The following DAPK2 variants were observed in gnomAD, a reference collection of about 807,000 sequenced individuals.
DAPK2 encodes death associated protein kinase 2, also known as death-associated protein kinase 2.
DAPK2 carries 35 observed loss-of-function variants against 44.1 expected under a neutral mutation model. That is an observed-to-expected ratio of 0.79 (90% confidence interval 0.61 to 1.05). The LOEUF is 1.05. Ranked by LOEUF, DAPK2 falls within the 50% of genes least tolerant of loss-of-function variation. The pLI is 0.00. For synonymous variants in DAPK2, 174 were observed against 182.6 expected, an observed-to-expected ratio of 0.95 and a Z score of 0.38; for missense variants, 453 against 483.2, an observed-to-expected ratio of 0.94 and a Z score of 0.59.
intron 1 of DAPK2, among the ~76,000 whole-genome samples, chr15:63,985,240 ACT>A (rs1471073724): frequency 2.6e-5 from 4 of 152,102 alleles, no homozygotes; most frequent in African/African-American, 9.7e-5. Context: ...TCGTCCACTG[ACT>A]CTAAATTTTT....
chr15:63,995,233 A>G (rs549781234), intron 1 of DAPK2, among the ~76,000 whole-genome samples: 4 of 152,014 alleles, frequency 2.6e-5, no homozygotes, highest in Non-Finnish European at 5.9e-5. Flanking sequence ...CCAGGCTGGA[A>G]TACAGTGGCA....
At chr15:63,913,604 G>C (rs2078852176) in intron 8 of DAPK2, among the ~76,000 whole-genome samples, 1 of 152,136 alleles carries the variant, frequency 6.6e-6, no homozygotes, top group Non-Finnish European at 1.5e-5. Context: ...CGTGGGTCTT[G>C]TCTCCTAACC....
At chr15:64,019,604 C>T (rs2079627452) in intron 1 of DAPK2, among the ~76,000 whole-genome samples, 1 of 152,200 alleles carries the variant, frequency 6.6e-6, no homozygotes, top group Non-Finnish European at 1.5e-5. Flanking sequence ...TATGAAAGTA[C>T]AAATCTGTGG....
chr15:63,934,973 A>G (rs1443751518), intron 4 of DAPK2, among the ~76,000 whole-genome samples: 1 of 151,890 alleles, frequency 6.6e-6, no homozygotes, highest in East Asian at 1.9e-4. Context: ...TCTTTAATTC[A>G]GAAGTACATC....
At chr15:64,028,797 C>T (rs372844038) in intron 1 of DAPK2, among the ~76,000 whole-genome samples, 4 of 150,186 alleles carry the variant, frequency 2.7e-5, no homozygotes, top group Non-Finnish European at 4.4e-5. Flanking sequence ...AACCCACAGA[C>T]GGAAAGAAGG....
At position 64,018,439 on chromosome 15, in the gene DAPK2, G is replaced by A. The variant is rs1477725937; in HGVS notation, c.92+21731C>T. ...TTAATCAACCAGGTACGAAGAAGGT[G>A]AGAGACCAACTCCTCTTCACCCACA... On this transcript the variant is annotated intron_variant, in intron 1 of 10. Coordinates refer to ENST00000261891, the Ensembl canonical transcript of DAPK2. Among the ~76,000 whole-genome samples the A allele has an allele frequency of 5.3e-5, 8 of 152,298 alleles. No individual in the cohort carries two copies. The South Asian group carries it at 1.5e-3, about 28-fold the overall frequency.
intron 10 of DAPK2, chr15:63,909,372 A>ATTTC (rs2078726087): frequency 6.6e-6 from 1 of 151,044 alleles, no homozygotes; most frequent in Non-Finnish European, 1.5e-5. Context: ...CTTTGGGAAA[A>ATTTC]CTGCATAACA....
intron 1 of DAPK2, among the ~76,000 whole-genome samples, chr15:64,024,358 T>G (rs1029788019): frequency 1.3e-5 from 2 of 152,168 alleles, no homozygotes; most frequent in Non-Finnish European, 2.9e-5. Flanking sequence ...GATGTGAGCA[T>G]GCCCTGGGGA....
At chr15:64,032,974 T>C (rs2080059297) in intron 1 of DAPK2, among the ~76,000 whole-genome samples, 1 of 151,898 alleles carries the variant, frequency 6.6e-6, no homozygotes, top group Non-Finnish European at 1.5e-5. Flanking sequence ...TAATCCCAGC[T>C]ACTTGGGAGG....
intron 2 of DAPK2, 46 bp downstream of exon 3, chr15:63,983,487 G>A: frequency 1.3e-6 from 2 of 1,574,020 alleles, no homozygotes; most frequent in Non-Finnish European, 1.7e-6. Flanking sequence ...TGCTCTGCCT[G>A]CCCCTGCTGC....
chr15:64,005,169 C>T lies in DAPK2; in HGVS notation c.93-21415G>A, dbSNP rs186066490. On this transcript the variant is annotated intron_variant, in intron 1 of 10. Coordinates refer to ENST00000261891, the Ensembl canonical transcript of DAPK2. ...ACAAAGACATGTCTTCTGAGTGAAC[C>T]CAATACCCATCCTTGAGTGGTGCTC... 6.6e-5 allele frequency among the ~76,000 whole-genome samples: 10 copies of T among 152,124 alleles called. No homozygotes were observed. In the East Asian group the frequency reaches 1.9e-3, roughly 29 times the overall value.
chr15:63,980,473 G>C lies in DAPK2; in HGVS notation c.314+3060C>G, dbSNP rs549719645. Among the ~76,000 whole-genome samples, 9 of 152,316 alleles carry C rather than the reference G, an allele frequency of 5.9e-5. No homozygotes were observed. In the South Asian group the frequency reaches 1.9e-3, roughly 32 times the overall value. Reference sequence around the variant, plus strand: ...TGCAGGCACACAGCAACACTCCTACGTTGTGGTAGTAATGGTTAACCAGCA... The same window carrying C: ...TGCAGGCACACAGCAACACTCCTACCTTGTGGTAGTAATGGTTAACCAGCA... On this transcript the variant is annotated intron_variant, in intron 2 of 10. Transcript: ENST00000261891. The surrounding 1 kb of genome is among the most constrained non-coding windows in gnomAD (Gnocchi z 4.3).
In DAPK2 at chr15:63,923,307, T is replaced by C; in HGVS notation, c.858+1509A>G. On this transcript the variant is annotated intron_variant, in intron 8 of 10. Transcript: ENST00000261891. This position sits in a 1 kb window ranked among gnomAD's most constrained non-coding sequence, Gnocchi z 4.2. ...TTGGTCTTCAGCTGGGTGGGCTCTGTCTTCCGCTGTTCAGGGGCTCTGCCT... is the reference window on the plus strand; with the variant it reads ...TTGGTCTTCAGCTGGGTGGGCTCTGCCTTCCGCTGTTCAGGGGCTCTGCCT... 6.5e-7 allele frequency: 1 copy of C among 1,535,842 alleles called. No homozygotes were observed. The highest frequency in any genetic ancestry group is 1.2e-5 in the South Asian group (1 of 84,056).
intron 3 of DAPK2, among the ~76,000 whole-genome samples, chr15:63,940,798 A>G (rs2077286295): frequency 1.3e-5 from 2 of 152,234 alleles, no homozygotes. Context: ...AGGAACCTTG[A>G]AAACATTTAT....
chr15:63,974,369 T>C (rs938647371), intron 2 of DAPK2, among the ~76,000 whole-genome samples: 1 of 152,132 alleles, frequency 6.6e-6, no homozygotes, highest in Non-Finnish European at 1.5e-5. Flanking sequence ...TTTATACATT[T>C]TAGGGGGACA....
chr15:64,040,958 C>G (rs2080340428), upstream of DAPK2, among the ~76,000 whole-genome samples: 1 of 151,444 alleles, frequency 6.6e-6, no homozygotes, highest in South Asian at 2.1e-4. Flanking sequence ...GGTACAAGCC[C>G]CAGTCTTGCT....
intron 6 of DAPK2, among the ~76,000 whole-genome samples, chr15:63,929,140 A>G (rs1451690097): frequency 1.3e-5 from 2 of 151,790 alleles, no homozygotes; most frequent in African/African-American, 2.4e-5. Context: ...TGGAGGTTGC[A>G]GTGAGCCAAG....
chr15:63,909,609 C>T (rs1332719731), intron 10 of DAPK2: 1 of 152,102 alleles, frequency 6.6e-6, no homozygotes, highest in Non-Finnish European at 1.5e-5. Context: ...CGAGACCAGC[C>T]CAGCCAACAT....
At chr15:63,933,444 T>C (rs1477222647) in intron 4 of DAPK2, among the ~76,000 whole-genome samples, 17 of 152,114 alleles carry the variant, frequency 1.1e-4, no homozygotes, top group Admixed American at 1.1e-3. Context: ...GGTTTCACCA[T>C]GTTGGCCAGG....
Sources: allele counts gnomAD v4.1 joint callset (sites outside exome capture counted in the v4.1 genomes callset), GRCh38; gene constraint gnomAD v4.1.1; non-coding constraint Gnocchi (gnomAD v3.1); transcripts MANE v1.5; gene names NCBI Gene and HGNC (gene_info 2026-07-23, HGNC 2026-07-21).